RAD51B: variants seen among roughly 807,000 people sequenced by gnomAD.
RAD51B encodes RAD51 paralog B.
A neutral mutation model predicts 42.2 loss-of-function variants in RAD51B; 38 were observed. The observed-to-expected ratio is 0.90, with a 90% confidence interval of 0.70 to 1.18. RAD51B has a LOEUF of 1.18. RAD51B is among the 50% of genes most tolerant of loss of function. RAD51B has a pLI of 0.00. For synonymous variants in RAD51B, 154 were observed against 145.2 expected (o/e 1.06, Z -0.43); for missense variants, 373 against 400.7 (o/e 0.93, Z 0.59).
In RAD51B at chr14:68,156,859, G is replaced by C. The variant is rs191785442; in HGVS notation, c.757-135025G>C. Among the ~76,000 whole-genome samples the C allele has an allele frequency of 2.8e-3, 420 of 152,048 alleles. 1 individual carries two copies. Among genetic ancestry groups the C allele is most frequent in the African/African-American group, 9.5e-3 (395 of 41,468 alleles). ...CTTTGTTTGGTATTATGGGTCACCT[G>C]GTTCCATAGCATCTCTTTGATTTAA... On this transcript the variant is annotated intron_variant, in intron 7 of 10. Coordinates refer to ENST00000471583, the MANE Select transcript of RAD51B (RefSeq NM_133510.4).
chr14:68,479,308 A>G (rs1566906956), downstream of RAD51B, among the ~76,000 whole-genome samples: 1 of 152,210 alleles, frequency 6.6e-6, no homozygotes, highest in Non-Finnish European at 1.5e-5. Flanking sequence ...AGTTGGAGGT[A>G]GGGTTCAGGA....
intron 7 of RAD51B, among the ~76,000 whole-genome samples, chr14:68,170,326 T>C (rs981720639): frequency 6.6e-6 from 1 of 152,226 alleles, no homozygotes; most frequent in African/African-American, 2.4e-5. Context: ...GTCCATTTCA[T>C]AGTAAGCACT....
At chr14:68,110,738 G>T (rs768522557) in intron 7 of RAD51B, among the ~76,000 whole-genome samples, 8 of 151,884 alleles carry the variant, frequency 5.3e-5, no homozygotes, top group Non-Finnish European at 8.8e-5. Context: ...GGAGATAAGA[G>T]AACTATACCT....
chr14:67,976,577 A>G (rs923471019), intron 7 of RAD51B, among the ~76,000 whole-genome samples: 7 of 152,242 alleles, frequency 4.6e-5, no homozygotes, highest in African/African-American at 1.7e-4. Context: ...CGTCGGATTA[A>G]AGACTTACAT....
chr14:68,257,750 G>A (rs2080784058), intron 7 of RAD51B, among the ~76,000 whole-genome samples: 1 of 149,640 alleles, frequency 6.7e-6, no homozygotes, highest in African/African-American at 2.6e-5. Context: ...AATATGTTAG[G>A]TTTCATAGTG....
At chr14:68,426,891 C>G in intron 9 of RAD51B, among the ~76,000 whole-genome samples, 1 of 152,180 alleles carries the variant, frequency 6.6e-6, no homozygotes, top group Admixed American at 6.5e-5. Flanking sequence ...TTTCCAGGGA[C>G]AGACCCAGGG....
chr14:68,411,565 G>T, intron 9 of RAD51B, 38 bp downstream of exon 9: 1 of 1,576,398 alleles, frequency 6.3e-7, no homozygotes, highest in Non-Finnish European at 8.7e-7. Context: ...TATGAAGGTC[G>T]GGGAATGAGA....
intron 9 of RAD51B, among the ~76,000 whole-genome samples, chr14:68,425,298 G>A (rs973531898): frequency 6.6e-6 from 1 of 152,092 alleles, no homozygotes; most frequent in Non-Finnish European, 1.5e-5. Flanking sequence ...TATATGCTGC[G>A]GTTTGAATGT....
At chr14:67,864,561 A>G (rs2042263283) in intron 4 of RAD51B, among the ~76,000 whole-genome samples, 1 of 152,244 alleles carries the variant, frequency 6.6e-6, no homozygotes, top group Non-Finnish European at 1.5e-5. Context: ...GACTAGTGCA[A>G]CATTGTTTTG....
At chr14:68,380,077 C>T (rs1194222974) in intron 8 of RAD51B, among the ~76,000 whole-genome samples, 4 of 152,194 alleles carry the variant, frequency 2.6e-5, no homozygotes, top group Non-Finnish European at 5.9e-5. Context: ...CCTGAAATCC[C>T]AGGCTTTTAT....
intron 10 of RAD51B, among the ~76,000 whole-genome samples, chr14:68,500,916 C>T (rs1256632321): frequency 1.3e-5 from 2 of 152,210 alleles, no homozygotes; most frequent in Admixed American, 1.3e-4. Context: ...CTCTGGGGAT[C>T]TCCTGTCCTG....
At chr14:68,173,403 G>T (rs2078909191) in intron 7 of RAD51B, among the ~76,000 whole-genome samples, 1 of 152,170 alleles carries the variant, frequency 6.6e-6, no homozygotes, top group African/African-American at 2.4e-5. Flanking sequence ...TAGAATCCAA[G>T]ATTTTATTAT....
chr14:68,626,742 C>T (rs118103859), intron 10 of RAD51B, among the ~76,000 whole-genome samples: 1 of 152,304 alleles, frequency 6.6e-6, no homozygotes, highest in Non-Finnish European at 1.5e-5. Flanking sequence ...ACAACCAAGC[C>T]TTGGAAGTTC....
chr14:67,929,725 AG>A (rs1415161653), intron 7 of RAD51B, among the ~76,000 whole-genome samples: 1 of 151,994 alleles, frequency 6.6e-6, no homozygotes, highest in Non-Finnish European at 1.5e-5. Context: ...CTTTAGATCT[AG>A]TAATACTTGC....
intron 10 of RAD51B, among the ~76,000 whole-genome samples, chr14:68,583,989 G>A (rs946218455): frequency 2.6e-5 from 4 of 152,142 alleles, no homozygotes; most frequent in African/African-American, 7.2e-5. Context: ...AGGACCTGGC[G>A]GGGGTGAGCT....
intron 8 of RAD51B, among the ~76,000 whole-genome samples, chr14:68,395,003 C>T (rs2083872308): frequency 6.6e-6 from 1 of 152,172 alleles, no homozygotes; most frequent in African/African-American, 2.4e-5. Flanking sequence ...CGGCTCCCCG[C>T]ACCAGAACAT....
intron 7 of RAD51B, among the ~76,000 whole-genome samples, chr14:68,087,886 A>AT (rs2077012842): frequency 3.7e-5 from 3 of 81,334 alleles, no homozygotes; most frequent in Non-Finnish European, 6.8e-5. Context: ...TTATATAATT[A>AT]TATAATATAT....
rs1009375089 is a variant in RAD51B, at chr14:68,594,796, G to A, written c.*193G>A. On this transcript the variant is annotated 3_prime_UTR_variant, in exon 11 of 11. Transcript: ENST00000487270. Reference sequence around the variant, plus strand: ...GATGTGTGTAGGGCCACAAGAATGAGAAAGGGGGCAATGGAGTGACAGGTG... The same window carrying A: ...GATGTGTGTAGGGCCACAAGAATGAAAAAGGGGGCAATGGAGTGACAGGTG... The A allele has an allele frequency of 5.7e-6, 7 of 1,238,504 alleles. No homozygotes were observed. In the Admixed American group the frequency reaches 1.0e-4, roughly 18 times the overall value. 76.7% of individuals were successfully genotyped at this position (1,238,504 alleles called of 1,614,324 possible). A position where few individuals can be genotyped will look rare whatever the true frequency, so the allele number is the denominator to read the frequency against.
chr14:68,637,834 G>T (rs1303262531), intron 10 of RAD51B, among the ~76,000 whole-genome samples: 1 of 152,172 alleles, frequency 6.6e-6, no homozygotes, highest in African/African-American at 2.4e-5. Context: ...ACACACACTT[G>T]CACACACAGG....
Sources: allele counts gnomAD v4.1 joint callset (sites outside exome capture counted in the v4.1 genomes callset), GRCh38; gene constraint gnomAD v4.1.1; transcripts MANE v1.5; gene names NCBI Gene and HGNC (gene_info 2026-07-23, HGNC 2026-07-21).